The following CXADR variants were observed in gnomAD, a reference collection of about 807,000 sequenced individuals.
CXADR encodes coxsackievirus and adenovirus receptor.
CXADR carries 20 observed loss-of-function variants against 40.3 expected under a neutral mutation model. That is an observed-to-expected ratio of 0.50 (90% CI 0.35 to 0.72). The LOEUF (loss-of-function observed/expected upper bound fraction) is 0.72, where lower values mean the gene tolerates loss of function less well. Among genes scored for constraint, CXADR ranks in the 30% least tolerant of loss-of-function variants. The pLI is 0.01. For missense variants in CXADR, 332 were observed against 449.1 expected, an observed-to-expected ratio of 0.74 and a Z score of 2.36; for synonymous variants, 150 against 161.3, an observed-to-expected ratio of 0.93 and a Z score of 0.53.
At chr21:17,534,170 C>T (rs1372539703) in intron 1 of CXADR, among the ~76,000 whole-genome samples, 1 of 131,264 alleles carries the variant, frequency 7.6e-6, no homozygotes, top group Non-Finnish European at 1.5e-5. Flanking sequence ...TGCAGTGGCG[C>T]GATCTTGGCT....
the CXADR span, chr21:17,612,694 C>A: frequency 6.5e-6 from 1 of 153,234 alleles, no homozygotes; most frequent in South Asian, 2.1e-4. Flanking sequence ...GCCCGGTCTC[C>A]TCACCGCCGC....
At chr21:17,588,227 G>C (rs1013714978) in intron 7 of CXADR, among the ~76,000 whole-genome samples, 2 of 152,016 alleles carry the variant, frequency 1.3e-5, no homozygotes, top group Non-Finnish European at 1.5e-5. Context: ...GCTCTTTTTT[G>C]GTTCCATATG....
chr21:17,534,030 CTA>C (rs5842647), intron 1 of CXADR, among the ~76,000 whole-genome samples: 24,325 of 95,764 alleles, frequency 0.25, 2,886 homozygotes, highest in African/African-American at 0.32. Context: ...ATATATATAG[CTA>C]TATATATATA....
downstream of CXADR, among the ~76,000 whole-genome samples, chr21:17,598,141 T>C (rs2061527163): frequency 6.6e-6 from 1 of 152,160 alleles, no homozygotes. Flanking sequence ...ACACTAGCTA[T>C]ATGACTTTTC....
At chr21:17,528,399 C>T (rs1368775505) in intron 1 of CXADR, among the ~76,000 whole-genome samples, 5 of 148,054 alleles carry the variant, frequency 3.4e-5, no homozygotes, top group African/African-American at 1.2e-4. Flanking sequence ...TCTTTTTTCC[C>T]ACGCTAAACC....
At chr21:17,570,147 A>C (rs2061265521), downstream of CXADR, 1 of 985,280 alleles carries the variant, frequency 1.0e-6, no homozygotes, top group Admixed American at 6.1e-5. Flanking sequence ...TACAGTGTCC[A>C]CTAAAGCTTT....
chr21:17,635,718 C>A, the CXADR span, among the ~76,000 whole-genome samples: 1 of 152,188 alleles, frequency 6.6e-6, no homozygotes, highest in African/African-American at 2.4e-5. Flanking sequence ...CACACACACA[C>A]AAAATGTCCT....
At chr21:17,615,042 C>G in the CXADR span, among the ~76,000 whole-genome samples, 1 of 152,052 alleles carries the variant, frequency 6.6e-6, no homozygotes, top group African/African-American at 2.4e-5. Flanking sequence ...TCGCAATATT[C>G]GTATGTTGGA....
In CXADR at chr21:17,566,790, T is replaced by G. The variant is rs867803568; in HGVS notation, c.*1098T>G. ...ATAAATGCAGAATAATCAAATACATTTTAAGCAAGTTAAGTGTCCTCCATC... is the reference window on the plus strand; with the variant it reads ...ATAAATGCAGAATAATCAAATACATGTTAAGCAAGTTAAGTGTCCTCCATC... On this transcript the variant is annotated 3_prime_UTR_variant, in exon 7 of 7. Coordinates refer to ENST00000284878, the MANE Select transcript of CXADR (RefSeq NM_001338.5). 149 of 966,226 alleles carry G rather than the reference T, an allele frequency of 1.5e-4. No individual in the cohort carries two copies. The highest frequency in any genetic ancestry group is 1.7e-4 in the Non-Finnish European group (138 of 812,652). 59.9% of individuals were successfully genotyped at this position (966,226 alleles called of 1,614,324 possible). A position where few individuals can be genotyped will look rare whatever the true frequency, so the allele number is the denominator to read the frequency against.
At chr21:17,522,374 C>T (rs554607603) in intron 1 of CXADR, among the ~76,000 whole-genome samples, 1 of 152,134 alleles carries the variant, frequency 6.6e-6, no homozygotes, top group African/African-American at 2.4e-5. Context: ...TTGTGAACTC[C>T]CGACCTCAGG....
chr21:17,534,200 G>A (rs887335094), intron 1 of CXADR, among the ~76,000 whole-genome samples: 25 of 141,812 alleles, frequency 1.8e-4, no homozygotes, highest in Admixed American at 1.5e-3. Context: ...CTCTGCCTCC[G>A]GGTTTCAAGC....
intron 1 of CXADR, among the ~76,000 whole-genome samples, chr21:17,544,647 G>A (rs979976147): frequency 2.6e-5 from 4 of 152,066 alleles, no homozygotes; most frequent in Admixed American, 2.6e-4. Context: ...TGCAGCAAGG[G>A]TTTTTGAGGC....
chr21:17,529,034 C>CTTTTT (rs10530177), intron 1 of CXADR, among the ~76,000 whole-genome samples: 6 of 121,394 alleles, frequency 4.9e-5, no homozygotes, highest in South Asian at 2.7e-4. Context: ...GACTTTTTGT[C>CTTTTT]TTTTTTTTTT....
chr21:17,592,392 A>C (rs1032199248), intron 7 of CXADR, among the ~76,000 whole-genome samples: 1 of 113,746 alleles, frequency 8.8e-6, no homozygotes, highest in Non-Finnish European at 1.7e-5. Context: ...TATATTTTAA[A>C]ATTTGTATTT....
chr21:17,559,939 A>G (rs536158265), intron 4 of CXADR, among the ~76,000 whole-genome samples: 1 of 149,954 alleles, frequency 6.7e-6, no homozygotes, highest in East Asian at 2.0e-4. Context: ...TCAGCCTCCC[A>G]AAGTATAGGT....
intron 2 of CXADR, among the ~76,000 whole-genome samples, 192 bp from the exon 3 acceptor site, chr21:17,551,557 C>T (rs1177429918): frequency 6.6e-6 from 1 of 152,136 alleles, no homozygotes; most frequent in African/African-American, 2.4e-5. Context: ...ACCCAAGGAT[C>T]ACATTGATTC....
chr21:17,593,162 C>T lies in CXADR; in HGVS notation c.1028C>T (p.Pro343Leu), dbSNP rs180945779. 1.5e-4 allele frequency: 213 copies of T among 1,445,736 alleles called. 3 individuals carry two copies. In the East Asian group the frequency reaches 5.5e-3, roughly 37 times the overall value. 89.6% of individuals were successfully genotyped at this position (1,445,736 alleles called of 1,614,324 possible). ...TTTTTCTTTTTGTAGTTCAAGTACC[C>T]TTACAAGACTGATGGAATTACAGTT... The change falls in exon 8 of 8, where the codon CCT (proline) becomes CTT (leucine). Residue 343 changes from proline to leucine, a missense_variant. Transcript: ENST00000400169.
In CXADR at chr21:17,566,353, G is replaced by A. The variant is rs2061208748; in HGVS notation, c.*661G>A. The A allele has an allele frequency of 1.0e-6, 1 of 984,424 alleles. No individual in the cohort carries two copies. Among genetic ancestry groups the A allele is most frequent in the Non-Finnish European group, 1.2e-6 (1 of 829,146 alleles). 61.0% of individuals were successfully genotyped at this position (984,424 alleles called of 1,614,324 possible). The stretch of plus-strand genomic sequence containing the variant: ...GACTGCTACAGGTAATAGGGACTTA[G>A]CAAGCTCTTTTATATGCTAAAGGAG... On this transcript the variant is annotated 3_prime_UTR_variant, in exon 7 of 7. Coordinates refer to ENST00000284878, the MANE Select transcript of CXADR (RefSeq NM_001338.5).
At chr21:17,525,269 A>G (rs2060585368) in intron 1 of CXADR, among the ~76,000 whole-genome samples, 1 of 152,230 alleles carries the variant, frequency 6.6e-6, no homozygotes, top group African/African-American at 2.4e-5. Flanking sequence ...TTTTAATTTC[A>G]TTTACTTCTA....
Sources: allele counts gnomAD v4.1 joint callset (sites outside exome capture counted in the v4.1 genomes callset), GRCh38; gene constraint gnomAD v4.1.1; transcripts MANE v1.5; gene names NCBI Gene and HGNC (gene_info 2026-07-23, HGNC 2026-07-21).